Variants in RIC1 observed in about 807,000 individuals in gnomAD.
RIC1 encodes the protein guanine nucleotide exchange factor subunit RIC1.
In RIC1, 88 loss-of-function variants were observed where a neutral mutation model predicts 169.0. The observed-to-expected ratio is 0.52, with a 90% confidence interval of 0.44 to 0.62. The LOEUF (loss-of-function observed/expected upper bound fraction) is 0.62, where lower values mean the gene tolerates loss of function less well. RIC1 is among the 20% of genes least tolerant of loss of function. The probability of loss-of-function intolerance (pLI) is 0.00; values close to 1 mark genes in which losing one functional copy is unlikely to be tolerated. For missense variants in RIC1, 1,877 were observed against 1,725.5 expected (o/e 1.09, Z -1.56); for synonymous variants, 790 against 601.5 (o/e 1.31, Z -4.59).
chr9:5,720,895 AG>A (rs2130866176), intron 6 of RIC1, 145 bp downstream of exon 6: 1 of 693,370 alleles, frequency 1.4e-6, no homozygotes, highest in East Asian at 3.0e-5. Context: ...AAATAGTATA[AG>A]TAGACAAAAT....
intron 3 of RIC1, among the ~76,000 whole-genome samples, chr9:5,706,391 G>T (rs1446211600): frequency 6.6e-6 from 1 of 152,194 alleles, no homozygotes; most frequent in East Asian, 1.9e-4. Flanking sequence ...GTCGGAGGTT[G>T]CGGTGAGCTG....
At chr9:5,750,725 G>T in intron 12 of RIC1, among the ~76,000 whole-genome samples, 1 of 151,614 alleles carries the variant, frequency 6.6e-6, no homozygotes, top group African/African-American at 2.4e-5. Flanking sequence ...CCAGTGATGT[G>T]GCATGACTTC....
chr9:5,689,685 T>A (rs1205557295), intron 2 of RIC1, among the ~76,000 whole-genome samples: 3 of 152,208 alleles, frequency 2.0e-5, no homozygotes, highest in Non-Finnish European at 2.9e-5. Flanking sequence ...ACTTACTCAT[T>A]ATTGAATAAT....
Position 5,763,628 on chromosome 9 carries a change from A to G in RIC1, c.2601A>G (p.Glu867=). ...FPHVLELMLH[E]VLEEEATSRE... Reference sequence around the variant, plus strand: ...ATGTGCTGGAGCTCATGCTCCATGAAGTACTGGAAGAAGAAGCTACCTCAC... The same window carrying G: ...ATGTGCTGGAGCTCATGCTCCATGAGGTACTGGAAGAAGAAGCTACCTCAC... Residue 867 remains glutamate (E), a synonymous_variant, in exon 19 of 26, where the codon GAA becomes GAG. Transcript: ENST00000414202. The surrounding 1 kb of genome is among the most constrained non-coding windows in gnomAD (Gnocchi z 5.2). 1.2e-6 allele frequency: 2 copies of G among 1,614,144 alleles called. No homozygotes were observed. Among genetic ancestry groups the G allele is most frequent in the African/African-American group, 1.3e-5 (1 of 75,040 alleles).
At chr9:5,669,714 G>A (rs1042496209) in intron 2 of RIC1, among the ~76,000 whole-genome samples, 2 of 152,182 alleles carry the variant, frequency 1.3e-5, no homozygotes, top group Non-Finnish European at 2.9e-5. Context: ...TTCTTGCAGT[G>A]GCAAAGAGAG....
intron 21 of RIC1, among the ~76,000 whole-genome samples, chr9:5,767,616 T>C (rs188778362): frequency 7.0e-4 from 107 of 152,310 alleles, no homozygotes; most frequent in African/African-American, 2.5e-3. Context: ...AGATGGAGTT[T>C]CGCTCTTGTT....
chr9:5,733,384 C>T (rs1824492035), intron 7 of RIC1, among the ~76,000 whole-genome samples: 2 of 151,826 alleles, frequency 1.3e-5, no homozygotes, highest in South Asian at 4.2e-4. Context: ...CTGCCTCAGC[C>T]TCCCGAGTAG....
intron 17 of RIC1, among the ~76,000 whole-genome samples, chr9:5,757,959 A>G (rs578016465): frequency 1.4e-3 from 212 of 152,326 alleles, no homozygotes; most frequent in Non-Finnish European, 2.5e-3. Flanking sequence ...CTTTAAGTCT[A>G]AAGTGTTTTA....
In RIC1 at chr9:5,773,840, C is replaced by T. The variant is rs908998588; in HGVS notation, c.3984-118C>T. ...TCCCTACCTTCTTTGCCTCCTCTCT[C>T]CCCTCCTAATCTATCGTCGTCTTTA... On this transcript the variant is annotated intron_variant, in intron 25 of 25. Coordinates refer to ENST00000414202, the MANE Select transcript of RIC1 (RefSeq NM_020829.4). 13 of 948,478 alleles carry T rather than the reference C, an allele frequency of 1.4e-5. No individual in the cohort carries two copies. In the African/African-American group the frequency reaches 1.8e-4, roughly 13 times the overall value. The allele number at this position is 948,478 out of a possible 1,614,324, so 58.8% of individuals were successfully genotyped here.
intron 7 of RIC1, among the ~76,000 whole-genome samples, chr9:5,733,214 C>G (rs1219824121): frequency 2.7e-5 from 4 of 150,038 alleles, no homozygotes; most frequent in African/African-American, 9.8e-5. Context: ...GAACATATAT[C>G]TAGTATAGTC....
intron 2 of RIC1, among the ~76,000 whole-genome samples, chr9:5,687,399 C>G (rs772380226): frequency 8.5e-5 from 13 of 152,084 alleles, no homozygotes; most frequent in Admixed American, 7.2e-4. Flanking sequence ...TTCGTTTGCT[C>G]TAGTTTAATT....
chr9:5,644,528 T>C (rs571961252), intron 1 of RIC1, among the ~76,000 whole-genome samples: 3 of 152,346 alleles, frequency 2.0e-5, no homozygotes, highest in African/African-American at 7.2e-5. Context: ...TCTTATCCTT[T>C]ATCCCCTTCT....
chr9:5,727,806 C>A (rs1004820394), intron 6 of RIC1, among the ~76,000 whole-genome samples: 2 of 152,220 alleles, frequency 1.3e-5, no homozygotes, highest in African/African-American at 4.8e-5. Flanking sequence ...GCTGGAGGTC[C>A]ACTCCAGACC....
intron 6 of RIC1, among the ~76,000 whole-genome samples, chr9:5,727,266 T>G (rs1824053419): frequency 6.6e-6 from 1 of 152,210 alleles, no homozygotes; most frequent in African/African-American, 2.4e-5. Flanking sequence ...TTTACTCTTT[T>G]TTTCTCTAAA....
chr9:5,711,393 T>C (rs1822917367), intron 3 of RIC1, among the ~76,000 whole-genome samples: 1 of 152,164 alleles, frequency 6.6e-6, no homozygotes, highest in South Asian at 2.1e-4. Context: ...GGTAGACATT[T>C]TAAGGAAACC....
intron 3 of RIC1, among the ~76,000 whole-genome samples, chr9:5,710,079 A>G (rs184441845): frequency 6.6e-6 from 1 of 152,194 alleles, no homozygotes; most frequent in African/African-American, 2.4e-5. Context: ...AAATCCAAAG[A>G]GAAAGATAAA....
At chr9:5,639,511 G>C (rs1818133550) in intron 1 of RIC1, among the ~76,000 whole-genome samples, 1 of 152,146 alleles carries the variant, frequency 6.6e-6, no homozygotes, top group South Asian at 2.1e-4. Flanking sequence ...CCTATCATAT[G>C]AGCAATCCTT....
At chr9:5,718,972 G>A (rs1450726791) in intron 4 of RIC1, 1 of 152,084 alleles carries the variant, frequency 6.6e-6, no homozygotes, top group African/African-American at 2.4e-5. Context: ...AATACTAAAA[G>A]ACATTTTTTT....
downstream of RIC1, among the ~76,000 whole-genome samples, chr9:5,778,132 G>A (rs1827681175): frequency 6.6e-6 from 1 of 151,990 alleles, no homozygotes; most frequent in Admixed American, 6.6e-5. Context: ...TTTTAACAGT[G>A]GATTATAATT....
Sources: allele counts gnomAD v4.1 joint callset (sites outside exome capture counted in the v4.1 genomes callset), GRCh38; gene constraint gnomAD v4.1.1; non-coding constraint Gnocchi (gnomAD v3.1); transcripts MANE v1.5; gene names NCBI Gene and HGNC (gene_info 2026-07-23, HGNC 2026-07-21).